The following TTK variants were observed in gnomAD, a reference collection of about 807,000 sequenced individuals.
The protein encoded by TTK is dual specificity protein kinase TTK.
Under a neutral mutation model 117.3 loss-of-function variants are expected in TTK, and 59 were observed. The observed-to-expected ratio is 0.50, with a 90% CI of 0.41 to 0.62. The LOEUF (loss-of-function observed/expected upper bound fraction) is 0.62. Ranked by LOEUF, TTK falls within the 20% of genes least tolerant of loss-of-function variation. The pLI is 0.00. For synonymous variants in TTK, 302 were observed against 325.0 expected (o/e 0.93, Z 0.76); for missense variants, 921 against 989.4 (o/e 0.93, Z 0.93).
chr6:80,005,839 T>G lies in TTK; in HGVS notation c.-2-3T>G. The G allele has an allele frequency of 6.2e-7, 1 of 1,611,508 alleles. No homozygotes were observed. Among genetic ancestry groups the G allele is most frequent in the Admixed American group, 1.7e-5 (1 of 59,296 alleles). On this transcript the variant is annotated splice_region_variant and splice_polypyrimidine_tract_variant and intron_variant, in intron 1 of 21. Coordinates refer to ENST00000369798, the MANE Select transcript of TTK (RefSeq NM_003318.5). ...AGTTATGACTGTTCAGTTTTTTTCTTAGAAATGGAATCCGAGGATTTAAGT... is the reference window on the plus strand; with the variant it reads ...AGTTATGACTGTTCAGTTTTTTTCTGAGAAATGGAATCCGAGGATTTAAGT...
intron 17 of TTK, chr6:80,037,731 G>A (rs1317687622): frequency 1.0e-5 from 2 of 192,540 alleles, no homozygotes; most frequent in African/African-American, 2.4e-5. Flanking sequence ...TGCTGCAGTT[G>A]TGAAGAAATT....
In TTK at chr6:80,027,933, G is replaced by A. The variant is rs778429201; in HGVS notation, c.1443G>A (p.Leu481=). The A allele has an allele frequency of 6.2e-7, 1 of 1,608,384 alleles. No individual in the cohort carries two copies. Among genetic ancestry groups the A allele is most frequent in the Non-Finnish European group, 8.5e-7 (1 of 1,176,732 alleles). The change falls in exon 13 of 22, where the codon TTG becomes TTA. Residue 481 remains leucine (L), a synonymous_variant. Coordinates refer to ENST00000369798, the MANE Select transcript of TTK (RefSeq NM_003318.5). Reference sequence around the variant, plus strand: ...ATGACTTTCCACCTGCTTGTCAGTTGTCAACACCTTATGGCCAACCTGCCT... The same window carrying A: ...ATGACTTTCCACCTGCTTGTCAGTTATCAACACCTTATGGCCAACCTGCCT... ...VKNDFPPACQ[L]STPYGQPACF...
intron 2 of TTK, among the ~76,000 whole-genome samples, chr6:80,006,873 T>C (rs1767008010): frequency 6.6e-6 from 1 of 152,066 alleles, no homozygotes; most frequent in African/African-American, 2.4e-5. Flanking sequence ...TAGTAGAAAG[T>C]AGAAACAAAT....
intron 10 of TTK, among the ~76,000 whole-genome samples, chr6:80,017,921 T>G (rs955940779): frequency 6.6e-6 from 1 of 152,236 alleles, no homozygotes; most frequent in African/African-American, 2.4e-5. Context: ...TTTTTAATGC[T>G]GATCAGATAT....
intron 11 of TTK, 44 bp downstream of exon 11, chr6:80,022,516 T>G (rs767376872): frequency 1.9e-6 from 3 of 1,589,028 alleles, no homozygotes; most frequent in African/African-American, 1.3e-5. Context: ...TTGTTCATAA[T>G]GCATTTCCGA....
At chr6:80,013,571 G>A (rs985422180) in intron 9 of TTK, 1 of 420,664 alleles carries the variant, frequency 2.4e-6, no homozygotes, top group Non-Finnish European at 4.2e-6. Flanking sequence ...AGGTGGTAGA[G>A]CAAGGATCAA....
At chr6:80,027,576 G>A (rs73476044) in intron 12 of TTK, among the ~76,000 whole-genome samples, 9,394 of 152,000 alleles carry the variant, frequency 0.062, 947 homozygotes, top group African/African-American at 0.21. Flanking sequence ...AAAATCTATG[G>A]CCGGCCACAA....
In TTK at chr6:80,011,536, G is replaced by A. The variant is rs1259095781; in HGVS notation, c.716G>A (p.Arg239Lys). The change falls in exon 6 of 22, where the codon AGG (arginine) becomes AAG (lysine). Residue 239 changes from arginine (R) to lysine (K), a missense_variant. Arg to Lys is a conservative substitution (Grantham distance 26). Coordinates refer to ENST00000369798, the MANE Select transcript of TTK (RefSeq NM_003318.5). ...CDSRGQTTKA[R>K]FLYGENMPPQ... Reference sequence around the variant, plus strand: ...TCCAGAGGACAGACTACTAAAGCCAGGTTTTTATATGGGTAAGGAAACGGA... The same window carrying A: ...TCCAGAGGACAGACTACTAAAGCCAAGTTTTTATATGGGTAAGGAAACGGA... The A allele has an allele frequency of 4.4e-6, 7 of 1,601,498 alleles. No homozygotes were observed. The African/African-American group carries it at 6.8e-5, about 15-fold the overall frequency.
chr6:80,010,136 T>C (rs762020108), intron 4 of TTK, among the ~76,000 whole-genome samples: 4 of 152,038 alleles, frequency 2.6e-5, no homozygotes, highest in Non-Finnish European at 5.9e-5. Flanking sequence ...GTAAGATATG[T>C]GATGTATACA....
Position 80,011,819 on chromosome 6 carries a change from T to G in TTK, c.801+18T>G. 6.2e-7 allele frequency: 1 copy of G among 1,612,512 alleles called. No individual in the cohort carries two copies. Among genetic ancestry groups the G allele is most frequent in the Non-Finnish European group, 8.5e-7 (1 of 1,179,066 alleles). Reference sequence around the variant, plus strand: ...CTAAACAGGTAAGTTACTTTCAATCTGCTTGATTAAGGTGGTGATAGTCTT... The same window carrying G: ...CTAAACAGGTAAGTTACTTTCAATCGGCTTGATTAAGGTGGTGATAGTCTT... On this transcript the variant is annotated intron_variant, in intron 7 of 21. Transcript: ENST00000369798.
chr6:80,020,823 G>GA (rs1767439422), intron 10 of TTK, among the ~76,000 whole-genome samples: 1 of 152,332 alleles, frequency 6.6e-6, no homozygotes, highest in African/African-American at 2.4e-5. Flanking sequence ...TGCTGGGCGG[G>GA]ACGGAGACAG....
chr6:80,012,274 C>CAA (rs762422569), intron 8 of TTK, among the ~76,000 whole-genome samples: 31 of 151,974 alleles, frequency 2.0e-4, no homozygotes, highest in Non-Finnish European at 4.4e-5. Flanking sequence ...GGTAGGCTGT[C>CAA]TGCTAAGAAT....
At chr6:80,007,186 A>G (rs901471437) in intron 2 of TTK, among the ~76,000 whole-genome samples, 1 of 152,176 alleles carries the variant, frequency 6.6e-6, no homozygotes, top group African/African-American at 2.4e-5. Flanking sequence ...GACCACGGTA[A>G]CTATGAGTTT....
chr6:80,036,605 A>G lies in TTK; in HGVS notation c.2049+6A>G, dbSNP rs760449234. 5.0e-6 allele frequency: 8 copies of G among 1,603,094 alleles called. No homozygotes were observed. The South Asian group carries it at 9.0e-5, about 18-fold the overall frequency. On this transcript the variant is annotated splice_donor_region_variant and intron_variant, in intron 17 of 21. Coordinates refer to ENST00000369798, the MANE Select transcript of TTK (RefSeq NM_003318.5). ...GTGTTGTTAAAGATTCTCAGGTAAG[A>G]CTTAATGTTGGTTCTCTCACAGTAG... is the stretch of plus-strand genomic sequence containing the variant.
chr6:80,034,258 A>ATTCTCATTAC (rs1186454741), intron 14 of TTK, among the ~76,000 whole-genome samples: 1 of 152,174 alleles, frequency 6.6e-6, no homozygotes, highest in Non-Finnish European at 1.5e-5. Flanking sequence ...TGGGGTAATG[A>ATTCTCATTAC]GAATGGTCAA....
intron 10 of TTK, among the ~76,000 whole-genome samples, chr6:80,015,982 C>T (rs1767296523): frequency 6.6e-6 from 1 of 152,098 alleles, no homozygotes; most frequent in Non-Finnish European, 1.5e-5. Context: ...TTTCTAACAC[C>T]ACAGAATGAA....
At chr6:80,005,040 A>C (rs1766950083) in intron 1 of TTK, 1 of 152,230 alleles carries the variant, frequency 6.6e-6, no homozygotes, top group South Asian at 2.1e-4. Flanking sequence ...ACTGGGAAAG[A>C]AGCGGGTGGC....
chr6:80,038,713 T>C (rs889816139), intron 18 of TTK, among the ~76,000 whole-genome samples: 2 of 152,186 alleles, frequency 1.3e-5, no homozygotes, highest in African/African-American at 4.8e-5. Flanking sequence ...GTTTTTCAAA[T>C]AACTGGCATA....
At position 80,042,136 on chromosome 6, in the gene TTK, T is replaced by C. The variant is rs148267932; in HGVS notation, c.2508T>C (p.Tyr836=). The C allele has an allele frequency of 2.5e-6, 4 of 1,600,528 alleles. No homozygotes were observed. Among genetic ancestry groups the C allele is most frequent in the Admixed American group, 1.7e-5 (1 of 58,822 alleles). The stretch of plus-strand genomic sequence containing the variant: ...AATTTCAGACTTTATATGAACACTA[T>C]AGTGGTGGTGAAAGTCATAATTCTT... ...LKAAKTLYEH[Y]SGGESHNSSS... is the part of the protein sequence containing the mutation. The change falls in exon 22 of 22, where the codon TAT becomes TAC. Residue 836 remains tyrosine, a synonymous_variant. Coordinates refer to ENST00000369798, the MANE Select transcript of TTK (RefSeq NM_003318.5).
Sources: gnomAD v4.1 joint callset for allele counts (sites outside exome capture counted in the v4.1 genomes callset) on GRCh38, gnomAD v4.1.1 for gene constraint, MANE v1.5 for transcripts, NCBI Gene and HGNC (gene_info 2026-07-23, HGNC 2026-07-21) for gene names.